ZNF618: variants seen among roughly 807,000 people sequenced by gnomAD.
ZNF618 encodes the protein neural precursor cell expressed, developmentally down-regulated 10.
Under a neutral mutation model 103.0 loss-of-function variants are expected in ZNF618, and 34 were observed. The ratio of observed to expected loss-of-function variants is 0.33; its 90% CI spans 0.25 to 0.44. The LOEUF is 0.44. Ranked by LOEUF, ZNF618 falls within the 20% of genes least tolerant of loss-of-function variation. The probability of loss-of-function intolerance (pLI) is 1.00; values close to 1 mark genes in which losing one functional copy is unlikely to be tolerated. For synonymous variants in ZNF618, 551 were observed against 542.2 expected (o/e 1.02, Z -0.23); for missense variants, 1,059 against 1,295.4 (o/e 0.82, Z 2.80).
intron 1 of ZNF618, among the ~76,000 whole-genome samples, chr9:113,920,147 T>A (rs961130352): frequency 3.3e-5 from 5 of 152,202 alleles, no homozygotes; most frequent in Non-Finnish European, 7.3e-5. Flanking sequence ...CTTGGGCCTT[T>A]GTACTCCCAA....
chr9:114,038,091 A>G (rs1844787388), intron 13 of ZNF618, among the ~76,000 whole-genome samples: 1 of 152,220 alleles, frequency 6.6e-6, no homozygotes, highest in African/African-American at 2.4e-5. Flanking sequence ...CCCATGGGGA[A>G]GCAGGATCCT....
chr9:113,954,667 C>G (rs955805037), intron 1 of ZNF618, among the ~76,000 whole-genome samples: 4 of 152,212 alleles, frequency 2.6e-5, no homozygotes, highest in Admixed American at 2.0e-4. Flanking sequence ...CCTATCTGAA[C>G]TGATCTGTTG....
Position 114,007,475 on chromosome 9 carries a change from A to G in ZNF618, c.640+36A>G, listed in dbSNP as rs1265464026. 4 of 1,601,740 alleles carry G rather than the reference A, an allele frequency of 2.5e-6. No individual in the cohort carries two copies. The Admixed American group carries it at 5.1e-5, about 20-fold the overall frequency. On this transcript the variant is annotated intron_variant, in intron 7 of 14. Transcript: ENST00000374126. ...CCCCTCACTCCCTGGAGTCATGCCA[A>G]GAGGCGCCCTTCCTTGGAGACACCA...
intron 2 of ZNF618, among the ~76,000 whole-genome samples, chr9:113,980,225 G>A (rs967896177): frequency 6.6e-6 from 1 of 152,144 alleles, no homozygotes; most frequent in Non-Finnish European, 1.5e-5. Flanking sequence ...GCAGGTTTTA[G>A]CCAGAAGAGT....
chr9:114,016,076 T>A (rs779955828), intron 9 of ZNF618: 14 of 1,529,484 alleles, frequency 9.2e-6, no homozygotes, highest in Non-Finnish European at 1.3e-5. Context: ...TTTTATTCTG[T>A]ATTTGTATTT....
In ZNF618 at chr9:113,929,461, C is replaced by A. The variant is rs573606040; in HGVS notation, c.34-39656C>A. Among the ~76,000 whole-genome samples, 9 of 152,318 alleles carry A rather than the reference C, an allele frequency of 5.9e-5. No homozygotes were observed. The South Asian group carries it at 1.9e-3, about 32-fold the overall frequency. On this transcript the variant is annotated intron_variant, in intron 1 of 14. Transcript: ENST00000374126. ...AAGGATGGGAGTGATGACTTCCAAGCTCTGTACATATCAGGGCTGAAATTG... is the reference window on the plus strand; with the variant it reads ...AAGGATGGGAGTGATGACTTCCAAGATCTGTACATATCAGGGCTGAAATTG...
chr9:114,035,119 G>T, intron 12 of ZNF618: 3 of 966,614 alleles, frequency 3.1e-6, no homozygotes, highest in Non-Finnish European at 2.5e-6. Context: ...TGGTTATTAA[G>T]AATAAAAATT....
At chr9:113,951,432 T>TACACAC (rs1835628980) in intron 1 of ZNF618, among the ~76,000 whole-genome samples, 1 of 73,876 alleles carries the variant, frequency 1.4e-5, no homozygotes, top group African/African-American at 5.7e-5. Flanking sequence ...TGTGTGTGTG[T>TACACAC]ATATATATAC....
intron 1 of ZNF618, among the ~76,000 whole-genome samples, chr9:113,957,093 A>G (rs541304008): frequency 2.0e-5 from 3 of 152,336 alleles, no homozygotes; most frequent in Non-Finnish European, 4.4e-5. Flanking sequence ...GCCTGTAGAT[A>G]CTATGCTGGG....
In ZNF618 at chr9:114,001,869, C is replaced by T. The variant is rs942470377; in HGVS notation, c.434-127C>T. On this transcript the variant is annotated intron_variant, in intron 4 of 14. Coordinates refer to ENST00000374126, the MANE Select transcript of ZNF618 (RefSeq NM_001318042.2). Reference sequence around the variant, plus strand: ...CGTGACTTCTAGCTCGGTGCTGCCTCCTTGCCAGGGACCATCTCTGCCCCT... The same window carrying T: ...CGTGACTTCTAGCTCGGTGCTGCCTTCTTGCCAGGGACCATCTCTGCCCCT... 1.1e-5 allele frequency: 9 copies of T among 825,212 alleles called. No individual in the cohort carries two copies. The African/African-American group carries it at 1.2e-4, about 11-fold the overall frequency. The allele number at this position is 825,212 out of a possible 1,614,324, so 51.1% of individuals were successfully genotyped here.
At chr9:114,013,709 G>A (rs1355785107) in intron 9 of ZNF618, among the ~76,000 whole-genome samples, 3 of 152,234 alleles carry the variant, frequency 2.0e-5, no homozygotes, top group Admixed American at 6.5e-5. Flanking sequence ...GGGATTACAG[G>A]CGTGAGCCAC....
At chr9:113,933,823 C>T (rs1248159814) in intron 1 of ZNF618, among the ~76,000 whole-genome samples, 2 of 151,730 alleles carry the variant, frequency 1.3e-5, no homozygotes, top group Non-Finnish European at 2.9e-5. Flanking sequence ...TTGGTCTTGG[C>T]TGGGGAGGGA....
intron 1 of ZNF618, among the ~76,000 whole-genome samples, chr9:113,925,162 C>T (rs1832977377): frequency 6.6e-6 from 1 of 151,980 alleles, no homozygotes; most frequent in South Asian, 2.1e-4. Flanking sequence ...TCTGTTTTTG[C>T]TTCACATATT....
At chr9:113,966,138 C>T (rs1837386736) in intron 1 of ZNF618, among the ~76,000 whole-genome samples, 1 of 152,186 alleles carries the variant, frequency 6.6e-6, no homozygotes, top group Non-Finnish European at 1.5e-5. Context: ...TTATTATAGC[C>T]AAGCACTCAC....
At chr9:114,003,573 A>G (rs1841456402) in intron 6 of ZNF618, among the ~76,000 whole-genome samples, 2 of 152,234 alleles carry the variant, frequency 1.3e-5, no homozygotes, top group Non-Finnish European at 2.9e-5. Flanking sequence ...ATGACTCACA[A>G]ACAATGGTGA....
At chr9:114,038,295 G>A (rs1844809471) in intron 13 of ZNF618, among the ~76,000 whole-genome samples, 1 of 152,212 alleles carries the variant, frequency 6.6e-6, no homozygotes, top group Non-Finnish European at 1.5e-5. Flanking sequence ...CCCATCCCTG[G>A]AGGCCATTAA....
chr9:113,985,342 C>A (rs1234015816), intron 2 of ZNF618, among the ~76,000 whole-genome samples: 2 of 152,238 alleles, frequency 1.3e-5, no homozygotes, highest in Non-Finnish European at 2.9e-5. Context: ...GAGCTCACCA[C>A]CTCCAGGGGA....
intron 13 of ZNF618, among the ~76,000 whole-genome samples, chr9:114,036,916 C>G (rs967726880): frequency 6.6e-6 from 1 of 152,178 alleles, no homozygotes; most frequent in Non-Finnish European, 1.5e-5. Context: ...TTTCTAGGCT[C>G]CATTGTGAAT....
At chr9:114,016,617 TG>T (rs756224976) in intron 9 of ZNF618, 77 bp from the exon 10 acceptor site, 68 of 1,123,682 alleles carry the variant, frequency 6.1e-5, no homozygotes, top group East Asian at 9.8e-5. Context: ...AGGAGTTTTT[TG>T]GGGGGTGGGA....
Sources: allele counts gnomAD v4.1 joint callset (sites outside exome capture counted in the v4.1 genomes callset), GRCh38; gene constraint gnomAD v4.1.1; transcripts MANE v1.5; gene names NCBI Gene and HGNC (gene_info 2026-07-23, HGNC 2026-07-21).